Variants in RALYL observed in about 807,000 individuals in gnomAD.
RALYL encodes the protein RALY RNA binding protein like.
In RALYL, 29 loss-of-function variants were observed where a neutral mutation model predicts 35.1. The ratio of observed to expected loss-of-function variants is 0.83; its 90% CI spans 0.61 to 1.13. The LOEUF (loss-of-function observed/expected upper bound fraction) is 1.13. Among genes scored for constraint, RALYL ranks in the 50% most tolerant of loss-of-function variants. The probability of loss-of-function intolerance (pLI) is 0.00; values close to 1 mark genes in which losing one functional copy is unlikely to be tolerated. For synonymous variants in RALYL, 120 were observed against 127.6 expected, an observed-to-expected ratio of 0.94 and a Z score of 0.40; for missense variants, 359 against 360.4, an observed-to-expected ratio of 1.00 and a Z score of 0.03.
chr8:84,584,546 T>C (rs559319986), intron 2 of RALYL, among the ~76,000 whole-genome samples: 23 of 151,140 alleles, frequency 1.5e-4, no homozygotes, highest in African/African-American at 5.6e-4. Context: ...GAGGTTGCAG[T>C]GAGCCAAGAT....
chr8:84,311,090 AATG>A (rs1842733007), intron 1 of RALYL, among the ~76,000 whole-genome samples: 2 of 99,768 alleles, frequency 2.0e-5, no homozygotes, highest in Non-Finnish European at 4.2e-5. Flanking sequence ...AAAAAAAAAA[AATG>A]TATATTAATG....
At chr8:84,686,623 T>G (rs572053750) in intron 2 of RALYL, among the ~76,000 whole-genome samples, 2 of 152,170 alleles carry the variant, frequency 1.3e-5, no homozygotes, top group Admixed American at 6.6e-5. Context: ...CAGGCTGGTC[T>G]CAAACTCCTG....
intron 1 of RALYL, among the ~76,000 whole-genome samples, chr8:84,258,734 G>A (rs1831669498): frequency 6.6e-6 from 1 of 152,032 alleles, no homozygotes; most frequent in Non-Finnish European, 1.5e-5. Flanking sequence ...GGGTGATATT[G>A]GGTGCATATA....
At chr8:84,872,316 TG>T (rs1177125027) in intron 6 of RALYL, among the ~76,000 whole-genome samples, 2 of 152,180 alleles carry the variant, frequency 1.3e-5, no homozygotes, top group Admixed American at 1.3e-4. Flanking sequence ...CATTTGTAAC[TG>T]GCATAATCAT....
intron 1 of RALYL, among the ~76,000 whole-genome samples, chr8:84,484,263 A>G (rs569335192): frequency 5.5e-4 from 83 of 152,164 alleles, no homozygotes; most frequent in Non-Finnish European, 1.0e-3. Flanking sequence ...AAGGCTAGGT[A>G]CTAAGAAAAC....
intron 2 of RALYL, among the ~76,000 whole-genome samples, chr8:84,740,697 A>G (rs959234087): frequency 1.3e-5 from 2 of 152,054 alleles, no homozygotes; most frequent in Non-Finnish European, 2.9e-5. Context: ...AATTTGCGTT[A>G]TAACTCCAGA....
intron 4 of RALYL, among the ~76,000 whole-genome samples, chr8:84,843,544 A>G (rs1181405664): frequency 1.3e-5 from 2 of 152,234 alleles, no homozygotes; most frequent in Non-Finnish European, 1.5e-5. Flanking sequence ...CATACTGCCC[A>G]AGGTAATTTA....
chr8:84,340,547 T>A (rs1456454126), intron 1 of RALYL, among the ~76,000 whole-genome samples: 2 of 152,130 alleles, frequency 1.3e-5, no homozygotes, highest in Non-Finnish European at 2.9e-5. Context: ...TATTCTTCTG[T>A]TACTGACTTA....
rs777202242 is a variant in RALYL at position 84,873,371 on chromosome 8, T to C, written c.659T>C (p.Ile220Thr). Reference sequence around the variant, plus strand: ...TCCTTGCTAGGGCGCCTGGAGAAGATTGAGAAACAGCAGAAGGCGGAGGCA... The same window carrying C: ...TCCTTGCTAGGGCGCCTGGAGAAGACTGAGAAACAGCAGAAGGCGGAGGCA... The part of the protein sequence containing the change: ...IDSLLGRLEK[I>T]EKQQKAEAEA... Residue 220 changes from isoleucine (I) to threonine (T), a missense_variant, in exon 7 of 9, where the codon ATT becomes ACT. Ile to Thr is a moderately conservative substitution (Grantham distance 89). Transcript: ENST00000521268. 26 of 1,598,942 alleles carry C rather than the reference T, an allele frequency of 1.6e-5. No homozygotes were observed. The highest frequency in any genetic ancestry group is 1.6e-4 in the Admixed American group (9 of 58,000).
intron 1 of RALYL, among the ~76,000 whole-genome samples, chr8:84,362,510 C>T (rs1215210728): frequency 6.6e-6 from 1 of 152,180 alleles, no homozygotes; most frequent in East Asian, 1.9e-4. Flanking sequence ...GCATTACCCA[C>T]TGAGCTCTGC....
At position 84,734,775 on chromosome 8, in the gene RALYL, A is replaced by T. The variant is rs544136671; in HGVS notation, c.257-39804A>T. On this transcript the variant is annotated intron_variant, in intron 2 of 8. Coordinates refer to ENST00000521268, the MANE Select transcript of RALYL (RefSeq NM_173848.7). ...AGCATGAATTCTGACGCTACAGATAAATGTAAAAAACATGGATAGTGTGGA... is the reference window on the plus strand; with the variant it reads ...AGCATGAATTCTGACGCTACAGATATATGTAAAAAACATGGATAGTGTGGA... Among the ~76,000 whole-genome samples the T allele has an allele frequency of 3.9e-5, 6 of 152,250 alleles. No individual in the cohort carries two copies. In the South Asian group the frequency reaches 1.0e-3, roughly 26 times the overall value.
At chr8:84,484,109 T>C (rs2054344378) in intron 1 of RALYL, among the ~76,000 whole-genome samples, 1 of 152,080 alleles carries the variant, frequency 6.6e-6, no homozygotes, top group South Asian at 2.1e-4. Context: ...GAGAAAAGGG[T>C]TCAATAAACT....
intron 5 of RALYL, among the ~76,000 whole-genome samples, chr8:84,850,477 C>G (rs1835616078): frequency 6.6e-6 from 1 of 152,134 alleles, no homozygotes; most frequent in African/African-American, 2.4e-5. Flanking sequence ...TAGGAGGCCA[C>G]AAAGGTGATG....
At chr8:84,673,692 G>A (rs759274439) in intron 2 of RALYL, among the ~76,000 whole-genome samples, 8 of 152,062 alleles carry the variant, frequency 5.3e-5, no homozygotes, top group African/African-American at 9.7e-5. Context: ...AATTGTAGGT[G>A]CACAGTCTTA....
chr8:84,231,126 A>G (rs1234863086), intron 1 of RALYL, among the ~76,000 whole-genome samples: 2 of 152,234 alleles, frequency 1.3e-5, no homozygotes, highest in African/African-American at 4.8e-5. Flanking sequence ...GAACATAGTC[A>G]GCTCATCAAA....
At chr8:84,497,744 C>A (rs1346128856) in intron 1 of RALYL, among the ~76,000 whole-genome samples, 1 of 148,816 alleles carries the variant, frequency 6.7e-6, no homozygotes, top group East Asian at 2.0e-4. Flanking sequence ...TGGGTTCAAG[C>A]GATTCTACTG....
intron 4 of RALYL, among the ~76,000 whole-genome samples, chr8:84,813,407 T>A (rs559118848): frequency 1.3e-5 from 2 of 152,308 alleles, no homozygotes; most frequent in African/African-American, 2.4e-5. Context: ...TCTGTCCAAG[T>A]GGGAACTGCA....
chr8:84,460,348 A>G (rs1482092328), intron 1 of RALYL, among the ~76,000 whole-genome samples: 1 of 151,758 alleles, frequency 6.6e-6, no homozygotes, highest in Non-Finnish European at 1.5e-5. Context: ...ACCTCCAGGT[A>G]TATTTGTATA....
chr8:84,428,104 T>TCACA (rs769786577), intron 1 of RALYL, among the ~76,000 whole-genome samples: 2,886 of 131,564 alleles, frequency 0.022, 51 homozygotes, highest in African/African-American at 0.057. Flanking sequence ...TCTCTCTCTC[T>TCACA]CTCACACACA....
Sources: gnomAD v4.1 joint callset for allele counts (sites outside exome capture counted in the v4.1 genomes callset) on GRCh38, gnomAD v4.1.1 for gene constraint, MANE v1.5 for transcripts, NCBI Gene and HGNC (gene_info 2026-07-23, HGNC 2026-07-21) for gene names.